The following LRP1B variants were observed in gnomAD, a reference collection of about 807,000 sequenced individuals.
The protein encoded by LRP1B is LDL receptor related protein 1B.
A neutral mutation model predicts 556.6 loss-of-function variants in LRP1B; 217 were observed. That is an observed-to-expected ratio of 0.39 (90% CI 0.35 to 0.44). LRP1B has a LOEUF of 0.44. LRP1B is among the 20% of genes least tolerant of loss of function. The pLI is 1.00. For synonymous variants in LRP1B, 2,047 were observed against 1,865.8 expected, an observed-to-expected ratio of 1.10 and a Z score of -2.50; for missense variants, 5,053 against 5,620.8, an observed-to-expected ratio of 0.90 and a Z score of 3.23.
chr2:141,640,898 A>G (rs1348324473), intron 2 of LRP1B, among the ~76,000 whole-genome samples: 1 of 152,108 alleles, frequency 6.6e-6, no homozygotes, highest in Non-Finnish European at 1.5e-5. Flanking sequence ...TACACAGAGC[A>G]ATTGCATCAG....
chr2:140,869,887 T>C (rs1180239424), intron 25 of LRP1B, among the ~76,000 whole-genome samples: 1 of 151,986 alleles, frequency 6.6e-6, no homozygotes, highest in Non-Finnish European at 1.5e-5. Flanking sequence ...GAGAATAATA[T>C]GCCAAAGTAT....
intron 66 of LRP1B, among the ~76,000 whole-genome samples, chr2:140,400,759 G>A (rs1473810670): frequency 6.6e-6 from 1 of 151,774 alleles, no homozygotes; most frequent in Non-Finnish European, 1.5e-5. Context: ...GAAGTGTCAG[G>A]CAGAAGCCTA....
chr2:141,096,621 G>GAGAGAGAGAGAGAGAGA (rs1558857992), intron 7 of LRP1B, among the ~76,000 whole-genome samples: 1 of 39,896 alleles, frequency 2.5e-5, no homozygotes, highest in Admixed American at 3.5e-4. Flanking sequence ...ACAAAGACGG[G>GAGAGAGAGAGAGAGAGA]GAGAGGGGGA....
At chr2:141,303,379 C>T (rs987113312) in intron 3 of LRP1B, among the ~76,000 whole-genome samples, 2 of 152,076 alleles carry the variant, frequency 1.3e-5, no homozygotes, top group Non-Finnish European at 2.9e-5. Flanking sequence ...AGAACTACTC[C>T]TACATATCTG....
At chr2:140,420,099 G>A (rs1478269888) in intron 66 of LRP1B, among the ~76,000 whole-genome samples, 1 of 150,844 alleles carries the variant, frequency 6.6e-6, no homozygotes, top group Non-Finnish European at 1.5e-5. Flanking sequence ...TATATGAGCC[G>A]ATGCTAAAGC....
intron 3 of LRP1B, among the ~76,000 whole-genome samples, chr2:141,369,053 C>T (rs1004902224): frequency 1.2e-4 from 19 of 152,162 alleles, no homozygotes; most frequent in African/African-American, 4.3e-4. Context: ...TGCCAATTTG[C>T]CCTTGCAGAA....
chr2:141,033,248 G>T (rs781745116), intron 11 of LRP1B, among the ~76,000 whole-genome samples: 3 of 151,986 alleles, frequency 2.0e-5, no homozygotes, highest in African/African-American at 7.3e-5. Context: ...AGCAAGGGAG[G>T]GGAGGAACAG....
intron 87 of LRP1B, among the ~76,000 whole-genome samples, chr2:140,246,685 C>A (rs554044182): frequency 1.3e-5 from 2 of 151,380 alleles, no homozygotes; most frequent in Admixed American, 1.3e-4. Context: ...CTTTCTCCCC[C>A]CAAGACACAT....
intron 37 of LRP1B, among the ~76,000 whole-genome samples, chr2:140,712,019 A>G (rs913393638): frequency 1.3e-5 from 2 of 152,158 alleles, no homozygotes; most frequent in African/African-American, 2.4e-5. Flanking sequence ...TGTGCTCCAT[A>G]TAAACATCCT....
At chr2:142,027,919 T>C (rs1434599213) in intron 1 of LRP1B, among the ~76,000 whole-genome samples, 1 of 151,962 alleles carries the variant, frequency 6.6e-6, no homozygotes, top group Non-Finnish European at 1.5e-5. Context: ...CTGGTACTTG[T>C]TTCAGTATTT....
chr2:140,735,634 G>T (rs536526825), intron 35 of LRP1B, among the ~76,000 whole-genome samples: 1 of 152,108 alleles, frequency 6.6e-6, no homozygotes, highest in Non-Finnish European at 1.5e-5. Flanking sequence ...CCTTGGACTC[G>T]CAGAGTTTGC....
At chr2:141,783,426 C>T (rs889252438) in intron 2 of LRP1B, among the ~76,000 whole-genome samples, 2 of 151,946 alleles carry the variant, frequency 1.3e-5, no homozygotes, top group Non-Finnish European at 1.5e-5. Flanking sequence ...AATACATGAA[C>T]GTAGTCTCTC....
At chr2:140,794,883 G>A (rs1396224243) in intron 32 of LRP1B, among the ~76,000 whole-genome samples, 1 of 152,004 alleles carries the variant, frequency 6.6e-6, no homozygotes, top group East Asian at 1.9e-4. Context: ...AAAGCACTGG[G>A]ATTACAGGCA....
chr2:141,178,445 T>G (rs1398232824), intron 7 of LRP1B, among the ~76,000 whole-genome samples: 1 of 152,132 alleles, frequency 6.6e-6, no homozygotes, highest in Non-Finnish European at 1.5e-5. Context: ...GACAGTGGAT[T>G]CAGATATCTT....
intron 31 of LRP1B, among the ~76,000 whole-genome samples, chr2:140,824,247 ACT>A (rs1473080131): frequency 6.6e-6 from 1 of 151,986 alleles, no homozygotes; most frequent in East Asian, 1.9e-4. Context: ...CAGTGAAAAT[ACT>A]CTTTTTTTTA....
chr2:141,366,167 C>T (rs1689028234), intron 3 of LRP1B, among the ~76,000 whole-genome samples: 1 of 152,126 alleles, frequency 6.6e-6, no homozygotes, highest in South Asian at 2.1e-4. Flanking sequence ...ATTATTTGGT[C>T]ATTTTGATGG....
At chr2:141,547,513 AC>A (rs999149669) in intron 2 of LRP1B, among the ~76,000 whole-genome samples, 2 of 151,994 alleles carry the variant, frequency 1.3e-5, no homozygotes, top group African/African-American at 4.8e-5. Flanking sequence ...TGACATGTAA[AC>A]TCCTTTACAA....
chr2:141,096,869 A>G (rs1467848414), intron 7 of LRP1B, among the ~76,000 whole-genome samples: 1 of 152,206 alleles, frequency 6.6e-6, no homozygotes, highest in Non-Finnish European at 1.5e-5. Context: ...GCCTGTAGAA[A>G]GTGTGTAGTT....
chr2:140,765,938 CACCA>C (rs1467260425), intron 35 of LRP1B, among the ~76,000 whole-genome samples: 1 of 151,956 alleles, frequency 6.6e-6, no homozygotes, highest in Admixed American at 6.6e-5. Context: ...GGGTGCAGCA[CACCA>C]ACATGGCACA....
Sources: gnomAD v4.1 joint callset for allele counts (sites outside exome capture counted in the v4.1 genomes callset) on GRCh38, gnomAD v4.1.1 for gene constraint, MANE v1.5 for transcripts, NCBI Gene and HGNC (gene_info 2026-07-23, HGNC 2026-07-21) for gene names.